The following CNTLN variants were observed in gnomAD, a reference collection of about 807,000 sequenced individuals.
CNTLN encodes the protein centlein.
A neutral mutation model predicts 180.0 loss-of-function variants in CNTLN; 212 were observed. The observed-to-expected ratio is 1.18, with a 90% CI of 1.05 to 1.32. The LOEUF (loss-of-function observed/expected upper bound fraction) is 1.32, where lower values mean the gene tolerates loss of function less well. Among genes scored for constraint, CNTLN ranks in the 40% most tolerant of loss-of-function variants. CNTLN has a pLI of 0.00. For missense variants in CNTLN, 2,095 were observed against 1,610.9 expected, an observed-to-expected ratio of 1.30 and a Z score of -5.14; for synonymous variants, 722 against 563.1, an observed-to-expected ratio of 1.28 and a Z score of -3.99.
chr9:17,330,568 T>C, intron 8 of CNTLN, 64 bp from the exon 9 acceptor site: 1 of 903,478 alleles, frequency 1.1e-6, no homozygotes, highest in Non-Finnish European at 1.6e-6. Flanking sequence ...ATTTAACTAT[T>C]TATTTATAAA....
intron 10 of CNTLN, among the ~76,000 whole-genome samples, chr9:17,334,104 G>A (rs1436074092): frequency 2.6e-5 from 4 of 152,016 alleles, no homozygotes; most frequent in Admixed American, 6.6e-5. Context: ...CTGTTGCCTA[G>A]GCTAGAGTGC....
the CNTLN span, among the ~76,000 whole-genome samples, chr9:17,514,043 C>T: frequency 1.4e-4 from 22 of 152,002 alleles, no homozygotes; most frequent in Non-Finnish European, 2.9e-4. Flanking sequence ...CACAGTGGCT[C>T]ACACCTGTAA....
At chr9:17,320,598 G>C (rs1183432502) in intron 8 of CNTLN, among the ~76,000 whole-genome samples, 2 of 152,110 alleles carry the variant, frequency 1.3e-5, no homozygotes, top group East Asian at 3.9e-4. Context: ...CGCCTCCTGG[G>C]TTCAAGTGAT....
chr9:17,150,672 T>G (rs975845909), intron 2 of CNTLN, among the ~76,000 whole-genome samples: 3 of 152,206 alleles, frequency 2.0e-5, no homozygotes, highest in African/African-American at 7.2e-5. Flanking sequence ...AGTAGTTTTT[T>G]CCAATTCTGT....
intron 6 of CNTLN, among the ~76,000 whole-genome samples, chr9:17,293,424 G>C (rs1012308688): frequency 6.6e-6 from 1 of 152,214 alleles, no homozygotes; most frequent in African/African-American, 2.4e-5. Flanking sequence ...CCCACTAGAG[G>C]CTCAGTCCCA....
At chr9:17,221,900 C>A (rs1437695257) in intron 2 of CNTLN, among the ~76,000 whole-genome samples, 1 of 152,046 alleles carries the variant, frequency 6.6e-6, no homozygotes, top group Non-Finnish European at 1.5e-5. Flanking sequence ...TATCTACCAA[C>A]ATATCTGAAT....
intron 19 of CNTLN, among the ~76,000 whole-genome samples, chr9:17,459,130 CATA>C (rs1831308222): frequency 6.6e-6 from 1 of 151,704 alleles, no homozygotes; most frequent in Non-Finnish European, 1.5e-5. Context: ...TTCTAAAAGA[CATA>C]AATAGTTTTA....
At chr9:17,268,938 AC>A (rs1827723661) in intron 5 of CNTLN, among the ~76,000 whole-genome samples, 1 of 151,240 alleles carries the variant, frequency 6.6e-6, no homozygotes, top group Non-Finnish European at 1.5e-5. Flanking sequence ...GCTGTCTGTC[AC>A]CCCTTTCTTT....
chr9:17,235,035 T>A (rs1825051861), intron 3 of CNTLN, among the ~76,000 whole-genome samples: 2 of 152,118 alleles, frequency 1.3e-5, no homozygotes, highest in Non-Finnish European at 2.9e-5. Context: ...GGTGCTACAT[T>A]TTCTGAGAGA....
intron 6 of CNTLN, among the ~76,000 whole-genome samples, chr9:17,290,907 C>G (rs1276114155): frequency 6.6e-6 from 1 of 152,194 alleles, no homozygotes; most frequent in Non-Finnish European, 1.5e-5. Flanking sequence ...CGCCCACTGT[C>G]TGGCACTCCC....
chr9:17,308,819 T>C (rs1481046343), intron 7 of CNTLN, among the ~76,000 whole-genome samples: 1 of 151,754 alleles, frequency 6.6e-6, no homozygotes, highest in Non-Finnish European at 1.5e-5. Context: ...CTTTTTAACA[T>C]ATTTTCTAGT....
intron 23 of CNTLN, among the ~76,000 whole-genome samples, chr9:17,467,870 C>A (rs754382359): frequency 4.6e-5 from 7 of 151,602 alleles, no homozygotes; most frequent in Non-Finnish European, 8.9e-5. Context: ...TACCATTTGA[C>A]CCAGCAATCC....
At chr9:17,406,493 C>T (rs994691453) in intron 15 of CNTLN, among the ~76,000 whole-genome samples, 6 of 151,608 alleles carry the variant, frequency 4.0e-5, no homozygotes, top group Non-Finnish European at 7.4e-5. Flanking sequence ...ACAACCAACT[C>T]CCTCTCCTCT....
intron 12 of CNTLN, among the ~76,000 whole-genome samples, chr9:17,345,662 C>T (rs1483772922): frequency 1.3e-5 from 2 of 151,764 alleles, no homozygotes; most frequent in Non-Finnish European, 2.9e-5. Context: ...CATACCTTTA[C>T]CCTTCTCCAT....
In CNTLN at chr9:17,483,623, C is replaced by A. The variant is rs1377529331; in HGVS notation, c.3856-672C>A. Among the ~76,000 whole-genome samples the A allele has an allele frequency of 2.0e-5, 3 of 152,186 alleles. No homozygotes were observed. In the East Asian group the frequency reaches 5.8e-4, roughly 29 times the overall value. ...TCTGTCCAACCAAATTAAGGAGTAA[C>A]TTTTTGTTACCCACACGTAGGTGTG... On this transcript the variant is annotated intron_variant, in intron 23 of 25. Transcript: ENST00000380647.
intron 6 of CNTLN, among the ~76,000 whole-genome samples, chr9:17,297,758 G>A (rs899402141): frequency 3.3e-5 from 5 of 152,130 alleles, no homozygotes; most frequent in Non-Finnish European, 5.9e-5. Flanking sequence ...GAAAACTTAA[G>A]TTTGCCCTTT....
chr9:17,313,258 A>G (rs749677991), intron 8 of CNTLN, among the ~76,000 whole-genome samples: 2 of 152,116 alleles, frequency 1.3e-5, no homozygotes, highest in East Asian at 3.8e-4. Flanking sequence ...CCATTCTGAC[A>G]ATTTCTTCCT....
intron 16 of CNTLN, among the ~76,000 whole-genome samples, chr9:17,413,971 A>G (rs950024627): frequency 6.6e-6 from 1 of 152,226 alleles, no homozygotes; most frequent in Non-Finnish European, 1.5e-5. Context: ...ATTCTCTTCA[A>G]TAGCTGAACA....
Position 17,301,326 on chromosome 9 carries a change from T to C in CNTLN, c.1146+2974T>C, listed in dbSNP as rs1587577889. On this transcript the variant is annotated intron_variant, in intron 7 of 25. Coordinates refer to ENST00000380647, the MANE Select transcript of CNTLN (RefSeq NM_017738.4). ...CACTTTTCTTCTAGGATTATGTTTA[T>C]CCCTTCCAAGAATCATTATAGAAAA... The C allele has an allele frequency of 5.1e-6, 5 of 985,258 alleles. No individual in the cohort carries two copies. In the East Asian group the frequency reaches 5.7e-4, roughly 112 times the overall value. 61.0% of individuals were successfully genotyped at this position (985,258 alleles called of 1,614,324 possible). A position where few individuals can be genotyped will look rare whatever the true frequency, so the allele number is the denominator to read the frequency against.
Sources: gnomAD v4.1 joint callset for allele counts (sites outside exome capture counted in the v4.1 genomes callset) on GRCh38, gnomAD v4.1.1 for gene constraint, MANE v1.5 for transcripts, NCBI Gene and HGNC (gene_info 2026-07-23, HGNC 2026-07-21) for gene names.